FAM221A: variants seen among roughly 807,000 people sequenced by gnomAD.
The protein encoded by FAM221A is family with sequence similarity 221 member A, also known as protein FAM221A.
Under a neutral mutation model 37.6 loss-of-function variants are expected in FAM221A, and 43 were observed. The observed-to-expected ratio is 1.15, with a 90% CI of 0.90 to 1.48. The LOEUF is 1.48. Ranked by LOEUF, FAM221A falls within the 40% of genes most tolerant of loss-of-function variation. The pLI, the probability that FAM221A is intolerant of heterozygous loss-of-function variation, is 0.00. For missense variants in FAM221A, 361 were observed against 361.5 expected (o/e 1.00, Z 0.01); for synonymous variants, 135 against 132.9 (o/e 1.02, Z -0.11).
In FAM221A at chr7:23,691,600, A is replaced by G; in HGVS notation, c.637+4A>G. The G allele has an allele frequency of 1.2e-6, 2 of 1,612,854 alleles. No individual in the cohort carries two copies. Among genetic ancestry groups the G allele is most frequent in the Non-Finnish European group, 1.7e-6 (2 of 1,178,846 alleles). On this transcript the variant is annotated splice_donor_region_variant and intron_variant, in intron 4 of 6. Transcript: ENST00000344962. ...CGGTTAGATGACAGTGGGATTGGTAAGTGATACTATATGAAATGTGAGCCC... is the reference window on the plus strand; with the variant it reads ...CGGTTAGATGACAGTGGGATTGGTAGGTGATACTATATGAAATGTGAGCCC...
intron 1 of FAM221A, 62 bp from the exon 2 acceptor site, chr7:23,684,437 G>T: frequency 1.8e-6 from 2 of 1,136,262 alleles, no homozygotes; most frequent in South Asian, 3.1e-5. Context: ...CAGTGGCCTG[G>T]TCATAGCTCA....
intron 4 of FAM221A, among the ~76,000 whole-genome samples, chr7:23,695,837 G>A (rs1418732607): frequency 6.6e-6 from 1 of 152,046 alleles, no homozygotes; most frequent in Non-Finnish European, 1.5e-5. Flanking sequence ...TAAAAATAAT[G>A]TTTTTTCCTC....
At chr7:23,695,446 C>G (rs7783624) in intron 4 of FAM221A, among the ~76,000 whole-genome samples, 14,039 of 152,178 alleles carry the variant, frequency 0.092, 834 homozygotes, top group African/African-American at 0.17. Context: ...TGCCTTGGCT[C>G]ACTGCAATCT....
chr7:23,698,176 T>C lies in FAM221A; in HGVS notation c.638-16T>C, dbSNP rs5029444. ...GTAAATATTTAATTTTTATTCTCCA[T>C]GTATTGTTTTCTCAGGTGTACCTTC... On this transcript the variant is annotated splice_polypyrimidine_tract_variant and intron_variant, in intron 4 of 6. Transcript: ENST00000344962. 666,460 of 1,255,948 alleles carry C rather than the reference T, an allele frequency of 0.53. 181,670 individuals carry two copies. The highest frequency in any genetic ancestry group is 0.68 in the South Asian group (55,233 of 81,002). The allele number at this position is 1,255,948 out of a possible 1,614,324, so 77.8% of individuals were successfully genotyped here. A position where few individuals can be genotyped will look rare whatever the true frequency, so the allele number is the denominator to read the frequency against.
At chr7:23,690,199 A>ATATATATATATATATATT (rs774313037) in intron 3 of FAM221A, among the ~76,000 whole-genome samples, 8 of 48,732 alleles carry the variant, frequency 1.6e-4, no homozygotes, top group Non-Finnish European at 1.4e-4. Context: ...ATATATATAT[A>ATATATATATATATATATT]TTTTTTTTTT....
intron 4 of FAM221A, 122 bp downstream of exon 4, chr7:23,691,718 T>C: frequency 1.1e-6 from 1 of 870,076 alleles, no homozygotes; most frequent in Non-Finnish European, 1.7e-6. Flanking sequence ...TTCTCTCGTT[T>C]GATTTTTATT....
At chr7:23,695,489 C>T (rs1344810675) in intron 4 of FAM221A, among the ~76,000 whole-genome samples, 2 of 152,204 alleles carry the variant, frequency 1.3e-5, no homozygotes, top group African/African-American at 4.8e-5. Flanking sequence ...TCTCCTGCCT[C>T]AGCCTCCTGA....
intron 4 of FAM221A, chr7:23,692,880 C>T (rs6976424): frequency 0.082 from 34,434 of 420,928 alleles, 2,090 homozygotes; most frequent in African/African-American, 0.22. Flanking sequence ...TGGTGGTAGG[C>T]TAGGTTTGAA....
intron 5 of FAM221A, among the ~76,000 whole-genome samples, chr7:23,699,386 A>G (rs1272027649): frequency 6.6e-6 from 1 of 151,838 alleles, no homozygotes; most frequent in Non-Finnish European, 1.5e-5. Context: ...TTCCCAAAGC[A>G]CTAGGATTAT....
chr7:23,697,242 G>C (rs1785116751), intron 4 of FAM221A, among the ~76,000 whole-genome samples: 2 of 152,240 alleles, frequency 1.3e-5, no homozygotes, highest in African/African-American at 2.4e-5. Flanking sequence ...GGAGCGGGGA[G>C]AGACTGAGCA....
At chr7:23,702,699 A>C (rs925786764), downstream of FAM221A, 2 of 152,248 alleles carry the variant, frequency 1.3e-5, no homozygotes, top group African/African-American at 4.8e-5. Flanking sequence ...CTCAGGCTGA[A>C]GATATCTACT....
chr7:23,680,294 G>GGGA lies in FAM221A; in HGVS notation c.65+12_65+13insGAG. The GGGA allele has an allele frequency of 6.5e-7, 1 of 1,538,402 alleles. No homozygotes were observed. Among genetic ancestry groups the GGGA allele is most frequent in the Non-Finnish European group, 8.8e-7 (1 of 1,141,088 alleles). ...CCTGGAGTACCGGAGGTGAGGCTGT[G>GGGA]GCTCCGGGCCTGCCCCCCCGCCGCT... On this transcript the variant is annotated intron_variant, in intron 1 of 6. Transcript: ENST00000344962.
Position 23,680,303 on chromosome 7 carries a change from C to A in FAM221A, c.65+20C>A. On this transcript the variant is annotated intron_variant, in intron 1 of 6. Coordinates refer to ENST00000344962, the MANE Select transcript of FAM221A (RefSeq NM_199136.5). Reference sequence around the variant, plus strand: ...CCGGAGGTGAGGCTGTGGCTCCGGGCCTGCCCCCCCGCCGCTCCGAGGGGC... The same window carrying A: ...CCGGAGGTGAGGCTGTGGCTCCGGGACTGCCCCCCCGCCGCTCCGAGGGGC... The A allele has an allele frequency of 6.6e-7, 1 of 1,512,186 alleles. No homozygotes were observed. 93.7% of individuals were successfully genotyped at this position (1,512,186 alleles called of 1,614,324 possible). A position where few individuals can be genotyped will look rare whatever the true frequency, so the allele number is the denominator to read the frequency against.
chr7:23,685,256 GCAAAACAAAACAAAA>G (rs58823921), intron 2 of FAM221A, among the ~76,000 whole-genome samples: 61,858 of 148,686 alleles, frequency 0.42, 13,779 homozygotes, highest in South Asian at 0.64. Flanking sequence ...TCAAAACAAA[GCAAAACAAAACAAAA>G]CAAAACAAAA....
At chr7:23,698,891 T>C (rs1478661088) in intron 5 of FAM221A, among the ~76,000 whole-genome samples, 2 of 152,160 alleles carry the variant, frequency 1.3e-5, no homozygotes, top group Non-Finnish European at 2.9e-5. Context: ...AACATACAAC[T>C]TAGTACATAA....
chr7:23,684,398 T>C, intron 1 of FAM221A, 101 bp from the exon 2 acceptor site: 2 of 671,048 alleles, frequency 3.0e-6, no homozygotes, highest in East Asian at 2.9e-5. Flanking sequence ...ATTTACAAAA[T>C]AAAAGCTTAC....
At chr7:23,697,162 A>G (rs56109020) in intron 4 of FAM221A, among the ~76,000 whole-genome samples, 2,412 of 152,320 alleles carry the variant, frequency 0.016, 63 homozygotes, top group African/African-American at 0.055. Context: ...AGAGGGCAGC[A>G]CAAGGACGTG....
chr7:23,689,092 C>T, intron 2 of FAM221A, 177 bp from the exon 3 acceptor site: 1 of 438,194 alleles, frequency 2.3e-6, no homozygotes, highest in Non-Finnish European at 4.0e-6. Flanking sequence ...TTCCTCTGAC[C>T]AAAGCAACAT....
At chr7:23,690,200 T>TTG (rs1784655515) in intron 3 of FAM221A, among the ~76,000 whole-genome samples, 18 of 18,592 alleles carry the variant, frequency 9.7e-4, no homozygotes, top group African/African-American at 3.9e-3. Context: ...TATATATATA[T>TTG]TTTTTTTTTT....
Sources: allele counts gnomAD v4.1 joint callset (sites outside exome capture counted in the v4.1 genomes callset), GRCh38; gene constraint gnomAD v4.1.1; transcripts MANE v1.5; gene names NCBI Gene and HGNC (gene_info 2026-07-23, HGNC 2026-07-21).